The following ZNF175 variants were observed in gnomAD, a reference collection of about 807,000 sequenced individuals.
ZNF175 encodes the protein zinc finger protein 175.
ZNF175 carries 8 observed loss-of-function variants against 14.0 expected under a neutral mutation model. The observed-to-expected ratio is 0.57, with a 90% CI of 0.34 to 1.03. ZNF175 has a LOEUF of 1.03. Among genes scored for constraint, ZNF175 ranks in the 50% least tolerant of loss-of-function variants. The pLI is 0.03. For missense variants in ZNF175, 764 were observed against 849.5 expected, an observed-to-expected ratio of 0.90 and a Z score of 1.25; for synonymous variants, 255 against 296.8, an observed-to-expected ratio of 0.86 and a Z score of 1.45.
At chr19:51,574,581 TCACCTG>T (rs551429458) in intron 2 of ZNF175, among the ~76,000 whole-genome samples, 7 of 152,108 alleles carry the variant, frequency 4.6e-5, no homozygotes, top group Non-Finnish European at 1.0e-4. Flanking sequence ...CGTGGGAGGA[TCACCTG>T]AGCTTGAGGC....
Position 51,581,387 on chromosome 19 carries a change from A to ACAGGCAT in ZNF175, c.73_79dup. The ACAGGCAT allele has an allele frequency of 6.2e-7, 1 of 1,614,050 alleles. No homozygotes were observed. Among genetic ancestry groups the ACAGGCAT allele is most frequent in the Admixed American group, 1.7e-5 (1 of 60,002 alleles). On this transcript the variant is annotated splice_polypyrimidine_tract_variant and splice_region_variant and intron_variant, in intron 2 of 4. Coordinates refer to ENST00000262259, the MANE Select transcript of ZNF175 (RefSeq NM_007147.4). ...TCACAGTGAGCTGGGGTACACTGTT[A>ACAGGCAT]CAGGCATCAGTGTCATTTGAGGACG...
At position 51,588,330 on chromosome 19, in the gene ZNF175, G is replaced by A. The variant is rs1295850669; in HGVS notation, c.1999G>A (p.Gly667Arg). ...QLKVHQRIHT[G>R]ERPYVCSECG... Reference sequence around the variant, plus strand: ...CAAGGTGCATCAGCGAATTCACACGGGAGAAAGACCTTATGTGTGTTCTGA... The same window carrying A: ...CAAGGTGCATCAGCGAATTCACACGAGAGAAAGACCTTATGTGTGTTCTGA... Residue 667 changes from glycine (G) to arginine (R), a missense_variant, in exon 5 of 5, where the codon GGA (glycine) becomes AGA (arginine). Gly to Arg is a moderately radical substitution (Grantham distance 125). Transcript: ENST00000262259. 6.2e-7 allele frequency: 1 copy of A among 1,614,026 alleles called. No individual in the cohort carries two copies. The highest frequency in any genetic ancestry group is 1.3e-5 in the African/African-American group (1 of 74,922).
At chr19:51,582,286 T>C (rs1982031473) in intron 4 of ZNF175, among the ~76,000 whole-genome samples, 1 of 151,328 alleles carries the variant, frequency 6.6e-6, no homozygotes, top group African/African-American at 2.4e-5. Context: ...GGCTGTTTCA[T>C]TTTTTTTTGT....
chr19:51,576,301 C>T (rs953548953), intron 2 of ZNF175, among the ~76,000 whole-genome samples: 39 of 152,036 alleles, frequency 2.6e-4, no homozygotes, highest in Non-Finnish European at 7.4e-5. Flanking sequence ...AGGCACTTGC[C>T]ACCACGCCTG....
Position 51,588,500 on chromosome 19 carries a change from A to T in ZNF175, c.*33A>T, listed in dbSNP as rs747486674. Reference sequence around the variant, plus strand: ...GTGCATCAGCATATTCATAAATGAAATATACTCCGAGTTTCTTGAAGAAGA... The same window carrying T: ...GTGCATCAGCATATTCATAAATGAATTATACTCCGAGTTTCTTGAAGAAGA... On this transcript the variant is annotated 3_prime_UTR_variant, in exon 5 of 5. Coordinates refer to ENST00000262259, the MANE Select transcript of ZNF175 (RefSeq NM_007147.4). 18 of 1,504,390 alleles carry T rather than the reference A, an allele frequency of 1.2e-5. No individual in the cohort carries two copies. In the South Asian group the frequency reaches 2.3e-4, roughly 19 times the overall value. 93.2% of individuals were successfully genotyped at this position (1,504,390 alleles called of 1,614,324 possible).
At chr19:51,583,319 A>T (rs1205072584) in intron 4 of ZNF175, among the ~76,000 whole-genome samples, 1 of 152,126 alleles carries the variant, frequency 6.6e-6, no homozygotes, top group Non-Finnish European at 1.5e-5. Context: ...TTCCCATGAG[A>T]TGACTCACTT....
intron 1 of ZNF175, among the ~76,000 whole-genome samples, chr19:51,572,082 T>C (rs1016834549): frequency 6.6e-5 from 10 of 152,226 alleles, no homozygotes; most frequent in Non-Finnish European, 7.3e-5. Context: ...TAATTGACAG[T>C]TGAGCACATC....
At chr19:51,582,038 T>C (rs1543923) in intron 4 of ZNF175, among the ~76,000 whole-genome samples, 156 bp downstream of exon 4, 113,170 of 152,102 alleles carry the variant, frequency 0.74, 42,409 homozygotes, top group East Asian at 1. Context: ...GCTATAAATG[T>C]TAAATGTCCT....
intron 4 of ZNF175, among the ~76,000 whole-genome samples, chr19:51,584,836 G>A (rs1473766051): frequency 6.6e-6 from 1 of 152,086 alleles, no homozygotes. Context: ...AGAATAACAA[G>A]TGTTGGCAAG....
chr19:51,589,568 C>A lies in ZNF175; in HGVS notation c.*1101C>A, dbSNP rs1054328. On this transcript the variant is annotated 3_prime_UTR_variant, in exon 5 of 5. Coordinates refer to ENST00000262259, the MANE Select transcript of ZNF175 (RefSeq NM_007147.4). ...TTTAGGATTAGCTCAGCTTGCCCCC[C>A]CTTTCCATCTCCACCATCTATAGTG... 25 of 701,692 alleles carry A rather than the reference C, an allele frequency of 3.6e-5. No individual in the cohort carries two copies. The highest frequency in any genetic ancestry group is 3.0e-4 in the South Asian group (20 of 67,444). 43.5% of individuals were successfully genotyped at this position (701,692 alleles called of 1,614,324 possible). A position where few individuals can be genotyped will look rare whatever the true frequency, so the allele number is the denominator to read the frequency against.
Position 51,581,834 on chromosome 19 carries a change from A to G in ZNF175, c.247A>G (p.Lys83Glu), listed in dbSNP as rs1378146674. ...GGTCATCTTCAGAATGCTAAAAGAAAAGGAGCCGCGTGTGGAGGAGGCTGA... is the reference window on the plus strand; with the variant it reads ...GGTCATCTTCAGAATGCTAAAAGAAGAGGAGCCGCGTGTGGAGGAGGCTGA... Reference protein sequence around the residue: ...PEVIFRMLKEKEPRVEEAEVS... With the variant: ...PEVIFRMLKEEEPRVEEAEVS... Residue 83 changes from lysine to glutamate, a missense_variant, in exon 4 of 5, where the codon AAG becomes GAG. Coordinates refer to ENST00000262259, the MANE Select transcript of ZNF175 (RefSeq NM_007147.4). The G allele has an allele frequency of 6.2e-7, 1 of 1,613,996 alleles. No homozygotes were observed. The highest frequency in any genetic ancestry group is 2.2e-5 in the East Asian group (1 of 44,882).
chr19:51,577,251 T>C (rs1460174478), intron 2 of ZNF175, among the ~76,000 whole-genome samples: 1 of 152,176 alleles, frequency 6.6e-6, no homozygotes, highest in Non-Finnish European at 1.5e-5. Context: ...AGGTTGGAAA[T>C]CATTTTTTTC....
At chr19:51,573,774 C>G (rs1367920887) in intron 2 of ZNF175, 6 of 353,614 alleles carry the variant, frequency 1.7e-5, no homozygotes, top group Non-Finnish European at 2.5e-5. Flanking sequence ...CTTGCTTGGT[C>G]CATGGGGTTT....
intron 2 of ZNF175, among the ~76,000 whole-genome samples, chr19:51,580,564 T>G (rs1981962663): frequency 6.6e-6 from 1 of 152,222 alleles, no homozygotes; most frequent in Non-Finnish European, 1.5e-5. Context: ...GATCATCTTG[T>G]TGAAATATTA....
intron 2 of ZNF175, among the ~76,000 whole-genome samples, chr19:51,578,711 G>A (rs867358340): frequency 2.0e-4 from 30 of 152,230 alleles, no homozygotes; most frequent in African/African-American, 6.3e-4. Flanking sequence ...AGGCTGCAGT[G>A]AGCTGTGATT....
In ZNF175 at chr19:51,590,853, A is replaced by G. The variant is rs1982323470; in HGVS notation, c.*2386A>G. ...AAATAGTGTGCACCTGGGTCCTGGG[A>G]GTGGCACCCTGACCAGTTTCAGGGA... On this transcript the variant is annotated 3_prime_UTR_variant, in exon 5 of 5. Coordinates refer to ENST00000262259, the MANE Select transcript of ZNF175 (RefSeq NM_007147.4). 1 of 152,190 alleles carries G rather than the reference A, an allele frequency of 6.6e-6. No homozygotes were observed. Among genetic ancestry groups the G allele is most frequent in the Non-Finnish European group, 1.5e-5 (1 of 68,110 alleles). The allele number at this position is 152,190 out of a possible 1,614,324, so 9.4% of individuals were successfully genotyped here. A position where few individuals can be genotyped will look rare whatever the true frequency, so the allele number is the denominator to read the frequency against.
chr19:51,585,672 T>C (rs912291918), intron 4 of ZNF175, among the ~76,000 whole-genome samples: 5 of 152,164 alleles, frequency 3.3e-5, no homozygotes, highest in Non-Finnish European at 5.9e-5. Context: ...TTAGTAACTA[T>C]TATTTTTATT....
chr19:51,581,927 A>G lies in ZNF175; in HGVS notation c.295+45A>G, dbSNP rs766460871. ...GCAAATGTAGATATCTTTGCAGGGA[A>G]CCATTACCAGTCTACCATACTTTTC... On this transcript the variant is annotated intron_variant, in intron 4 of 4. Transcript: ENST00000262259. 3.2e-6 allele frequency: 5 copies of G among 1,555,126 alleles called. No individual in the cohort carries two copies. The South Asian group carries it at 5.7e-5, about 18-fold the overall frequency.
chr19:51,581,169 T>G (rs941332381), intron 2 of ZNF175, among the ~76,000 whole-genome samples: 3 of 151,672 alleles, frequency 2.0e-5, no homozygotes, highest in African/African-American at 7.3e-5. Flanking sequence ...CTGGCCTCAT[T>G]TTTGAAAAAA....
Sources: allele counts gnomAD v4.1 joint callset (sites outside exome capture counted in the v4.1 genomes callset), GRCh38; gene constraint gnomAD v4.1.1; transcripts MANE v1.5; gene names NCBI Gene and HGNC (gene_info 2026-07-23, HGNC 2026-07-21).